Variants in ANAPC7 observed in about 807,000 individuals in gnomAD.
ANAPC7 encodes anaphase promoting complex subunit 7.
ANAPC7 carries 25 observed loss-of-function variants against 63.3 expected under a neutral mutation model. That is an observed-to-expected ratio of 0.39 (90% CI 0.29 to 0.55). ANAPC7 has a LOEUF of 0.55. Among genes scored for constraint, ANAPC7 ranks in the 20% least tolerant of loss-of-function variants. ANAPC7 has a pLI of 0.57. For missense variants in ANAPC7, 516 were observed against 691.7 expected, an observed-to-expected ratio of 0.75 and a Z score of 2.85; for synonymous variants, 241 against 251.7, an observed-to-expected ratio of 0.96 and a Z score of 0.40.
At position 110,377,548 on chromosome 12, in the gene ANAPC7, T is replaced by C; in HGVS notation, c.1202A>G (p.Lys401Arg). The C allele has an allele frequency of 6.2e-7, 1 of 1,614,210 alleles. No individual in the cohort carries two copies. The highest frequency in any genetic ancestry group is 1.3e-5 in the African/African-American group (1 of 75,050). Residue 401 changes from lysine (K) to arginine (R), a missense_variant, in exon 9 of 11, where the codon AAA (lysine) becomes AGA (arginine). Physicochemically the swap from Lys to Arg is conservative, Grantham distance 26. This residue lies in a region of ANAPC7 where 122 missense variants were observed against 212.0 expected (regional missense o/e 0.58). Transcript: ENST00000455511. ...GGTCTGTGCATTTGCTCCCAGAGTTTTGTAAACGTTGTTAGCCATTACCAT... is the reference window on the plus strand; with the variant it reads ...GGTCTGTGCATTTGCTCCCAGAGTTCTGTAAACGTTGTTAGCCATTACCAT... The part of the protein sequence containing the change: ...EAMVMANNVY[K>R]TLGANAQTLT...
chr12:110,391,650 GA>G (rs776561997), intron 3 of ANAPC7, among the ~76,000 whole-genome samples: 1 of 152,124 alleles, frequency 6.6e-6, no homozygotes, highest in Non-Finnish European at 1.5e-5. Flanking sequence ...TGATGGCAAT[GA>G]AAATCAAGCA....
intron 1 of ANAPC7, among the ~76,000 whole-genome samples, chr12:110,402,132 G>A (rs922858282): frequency 2.7e-5 from 4 of 150,762 alleles, no homozygotes; most frequent in East Asian, 3.9e-4. Context: ...CCAAGACTGC[G>A]CCACTCAACT....
Position 110,395,100 on chromosome 12 carries a change from CT to C in ANAPC7, c.408del (p.Ile137Ter). 1 of 1,611,770 alleles carries C rather than the reference CT, an allele frequency of 6.2e-7. No individual in the cohort carries two copies. Among genetic ancestry groups the C allele is most frequent in the South Asian group, 1.1e-5 (1 of 90,762 alleles). On this transcript the variant is annotated frameshift_variant and splice_region_variant, in exon 3 of 11. Transcript: ENST00000455511. LOFTEE classifies it high-confidence loss of function. The part of the protein sequence containing the change: ...DGIPSRQRTP[K>X]INMMLANLYK... ...GAAAAACACATAAACATTCAACTTACTTTGGGAGTTCTTTGTCTTGAAGGGA... is the reference window on the plus strand; with the variant it reads ...GAAAAACACATAAACATTCAACTTACTTGGGAGTTCTTTGTCTTGAAGGGA...
At chr12:110,376,044 C>T (rs1476252492) in intron 10 of ANAPC7, 22 bp downstream of exon 10, 7 of 1,602,324 alleles carry the variant, frequency 4.4e-6, no homozygotes, top group Admixed American at 1.7e-5. Context: ...GTGGCCTTCC[C>T]CCAAGGGAGG....
intron 3 of ANAPC7, among the ~76,000 whole-genome samples, chr12:110,393,379 C>A (rs1368915418): frequency 6.6e-6 from 1 of 152,048 alleles, no homozygotes; most frequent in Non-Finnish European, 1.5e-5. Context: ...TATGGAGTAG[C>A]CATTCTTTAT....
chr12:110,386,351 T>C lies in ANAPC7; in HGVS notation c.793A>G (p.Met265Val). ...CCTTTTATCAGATAAGGATCCAACA[T>C]CTGTGCCTGTTCAAACTTGAGGACA... ...NSVLKFEQAQ[M>V]LDPYLIKGMD... Residue 265 changes from methionine to valine, a missense_variant, in exon 6 of 11, where the codon ATG becomes GTG. Around this residue, in one of 4 missense-constraint regions of ANAPC7, gnomAD observed 199 missense variants for 249.3 expected, o/e 0.80. Coordinates refer to ENST00000455511, the MANE Select transcript of ANAPC7 (RefSeq NM_016238.3). 2 of 1,614,112 alleles carry C rather than the reference T, an allele frequency of 1.2e-6. No homozygotes were observed. Among genetic ancestry groups the C allele is most frequent in the Non-Finnish European group, 1.7e-6 (2 of 1,180,012 alleles).
At chr12:110,389,080 T>TTA (rs1171136448) in intron 3 of ANAPC7, among the ~76,000 whole-genome samples, 1 of 120,588 alleles carries the variant, frequency 8.3e-6, no homozygotes, top group East Asian at 2.0e-4. Flanking sequence ...AGACTCCATC[T>TTA]TAAAAAAAAA....
chr12:110,375,892 G>GA, intron 10 of ANAPC7, 174 bp downstream of exon 10: 1 of 1,323,598 alleles, frequency 7.6e-7, no homozygotes, highest in Non-Finnish European at 9.6e-7. Context: ...TATATTTTAA[G>GA]AAAAAATTTT....
rs779476741 is a variant in ANAPC7 at position 110,396,395 on chromosome 12, G to A, written c.159C>T (p.Leu53=). Residue 53 remains leucine (L), a synonymous_variant, in exon 2 of 11, where the codon CTC becomes CTT. Transcript: ENST00000455511. Reference sequence around the variant, plus strand: ...CATTCCGATATTCCTTATCATGAAAGAGAGAATCTGCATGATACACCAAAA... The same window carrying A: ...CATTCCGATATTCCTTATCATGAAAAAGAGAATCTGCATGATACACCAAAA... ...YQLLVYHADS[L]FHDKEYRNAV... The A allele has an allele frequency of 1.9e-6, 3 of 1,613,844 alleles. No individual in the cohort carries two copies. The highest frequency in any genetic ancestry group is 3.3e-5 in the Admixed American group (2 of 59,964).
At position 110,373,536 on chromosome 12, in the gene ANAPC7, C is replaced by G. The variant is rs1880998830; in HGVS notation, c.*608G>C. ...CCCAGGTGCACCTCTGGTTCATGCT[C>G]TTGTCACACCTGTTTCTCAGATCAG... On this transcript the variant is annotated 3_prime_UTR_variant, in exon 11 of 11. Coordinates refer to ENST00000455511, the MANE Select transcript of ANAPC7 (RefSeq NM_016238.3). 6.6e-6 allele frequency: 1 copy of G among 152,268 alleles called. No individual in the cohort carries two copies. The highest frequency in any genetic ancestry group is 2.1e-4 in the South Asian group (1 of 4,828). The allele number at this position is 152,268 out of a possible 1,614,324, so 9.4% of individuals were successfully genotyped here.
chr12:110,379,559 A>G (rs1179059060), intron 8 of ANAPC7, among the ~76,000 whole-genome samples: 5 of 152,248 alleles, frequency 3.3e-5, no homozygotes, highest in Non-Finnish European at 7.3e-5. Context: ...TTCAGGATCA[A>G]GAAGTTAATC....
Position 110,382,466 on chromosome 12 carries a change from A to ATATATATATG in ANAPC7, c.935+376_935+377insCATATATATA, listed in dbSNP as rs1882012994. On this transcript the variant is annotated intron_variant, in intron 7 of 10. Transcript: ENST00000455511. Reference sequence around the variant, plus strand: ...TAAAAAAAAAAAAAAAAAAAAATATATATATATATATATATATATATATAT... The same window carrying ATATATATATG: ...TAAAAAAAAAAAAAAAAAAAAATATATATATATATGTATATATATATATATATATATATAT... 4.0e-4 allele frequency among the ~76,000 whole-genome samples: 40 copies of ATATATATATG among 100,724 alleles called. 2 individuals are homozygous for ATATATATATG. Among genetic ancestry groups the ATATATATATG allele is most frequent in the African/African-American group, 1.6e-3 (39 of 24,534 alleles). 66.1% of individuals were successfully genotyped at this position (100,724 alleles called of 152,430 possible). A position where few individuals can be genotyped will look rare whatever the true frequency, so the allele number is the denominator to read the frequency against.
At chr12:110,402,515 A>C (rs1431247221) in intron 1 of ANAPC7, among the ~76,000 whole-genome samples, 2 of 148,956 alleles carry the variant, frequency 1.3e-5, no homozygotes, top group Non-Finnish European at 3.0e-5. Context: ...GGTATTTTTT[A>C]AGCAGAGACG....
chr12:110,395,558 T>G (rs1160039506), intron 2 of ANAPC7, among the ~76,000 whole-genome samples: 2 of 151,916 alleles, frequency 1.3e-5, no homozygotes, highest in Non-Finnish European at 2.9e-5. Flanking sequence ...TGGAAGTGCT[T>G]GGATTACAGG....
At chr12:110,391,205 A>C (rs764610871) in intron 3 of ANAPC7, among the ~76,000 whole-genome samples, 30 of 152,258 alleles carry the variant, frequency 2.0e-4, no homozygotes, top group Non-Finnish European at 3.8e-4. Context: ...AACAAACAAA[A>C]AAAGTCAACT....
At chr12:110,392,448 C>T (rs552936704) in intron 3 of ANAPC7, among the ~76,000 whole-genome samples, 442 of 152,288 alleles carry the variant, frequency 2.9e-3, no homozygotes, top group Non-Finnish European at 5.3e-3. Context: ...AACTAAAATA[C>T]ACCAGGCCCC....
intron 7 of ANAPC7, among the ~76,000 whole-genome samples, chr12:110,382,455 A>C (rs868501570): frequency 1.4e-5 from 1 of 70,492 alleles, no homozygotes; most frequent in Non-Finnish European, 2.7e-5. Context: ...AAAAAAAAAA[A>C]AAAAAAATAT....
intron 1 of ANAPC7, 113 bp from the exon 2 acceptor site, chr12:110,396,565 C>T: frequency 1.2e-6 from 1 of 811,892 alleles, no homozygotes; most frequent in Non-Finnish European, 1.8e-6. Flanking sequence ...GGCTGGAGTG[C>T]AGTGGCACGA....
chr12:110,397,044 A>C (rs1335964721), intron 1 of ANAPC7, among the ~76,000 whole-genome samples: 3 of 151,324 alleles, frequency 2.0e-5, no homozygotes, highest in Non-Finnish European at 2.9e-5. Context: ...TCTACTAAAA[A>C]ATACAAAAAA....
Sources: gnomAD v4.1 joint callset for allele counts (sites outside exome capture counted in the v4.1 genomes callset) on GRCh38, gnomAD v4.1.1 for gene constraint, gnomAD v4.1.1 regional missense constraint, MANE v1.5 for transcripts, NCBI Gene and HGNC (gene_info 2026-07-23, HGNC 2026-07-21) for gene names.